KCNC2: variants seen among roughly 807,000 people sequenced by gnomAD.
The protein encoded by KCNC2 is voltage-gated potassium channel KCNC2.
In KCNC2, 21 loss-of-function variants were observed where a neutral mutation model predicts 44.5. The ratio of observed to expected loss-of-function variants is 0.47; its 90% CI spans 0.33 to 0.68. The LOEUF is 0.68. Among genes scored for constraint, KCNC2 ranks in the 30% least tolerant of loss-of-function variants. The pLI, the probability that KCNC2 is intolerant of heterozygous loss-of-function variation, is 0.01. For missense variants in KCNC2, 589 were observed against 826.2 expected, an observed-to-expected ratio of 0.71 and a Z score of 3.52; for synonymous variants, 391 against 339.1, an observed-to-expected ratio of 1.15 and a Z score of -1.68.
chr12:75,112,084 A>G (rs1047097881), intron 2 of KCNC2, among the ~76,000 whole-genome samples: 10 of 151,968 alleles, frequency 6.6e-5, no homozygotes, highest in African/African-American at 2.4e-4. Flanking sequence ...AAAATACAAA[A>G]TGTCTGTTAC....
rs202192544 is a variant in KCNC2, at chr12:75,207,385, C to A, written c.599G>T (p.Gly200Val). The A allele has an allele frequency of 5.1e-6, 8 of 1,580,574 alleles. No individual in the cohort carries two copies. The highest frequency in any genetic ancestry group is 6.9e-6 in the Non-Finnish European group (8 of 1,164,778). ...CCAGCGGCCAGATTTGCCGTCGGGGCCCCCGAGCCCCGCCGCGTCCTCGAT... is the reference window on the plus strand; with the variant it reads ...CCAGCGGCCAGATTTGCCGTCGGGGACCCCGAGCCCCGCCGCGTCCTCGAT... Reference protein sequence around the residue: ...LGIEDAAGLGGPDGKSGRWRR... With the variant: ...LGIEDAAGLGVPDGKSGRWRR... The change falls in exon 2 of 5, where the codon GGC becomes GTC. Residue 200 changes from glycine (G) to valine (V), a missense_variant. Coordinates refer to ENST00000549446, the MANE Select transcript of KCNC2 (RefSeq NM_139137.4). The surrounding 1 kb of genome is among the most constrained non-coding windows in gnomAD (Gnocchi z 4.1).
chr12:75,049,372 G>GA (rs1210896107), intron 3 of KCNC2, among the ~76,000 whole-genome samples: 2 of 152,052 alleles, frequency 1.3e-5, no homozygotes, highest in African/African-American at 2.4e-5. Flanking sequence ...TTTTCTGTAA[G>GA]AAAAAATGAA....
chr12:75,175,105 G>C (rs1287114149), intron 2 of KCNC2, among the ~76,000 whole-genome samples: 1 of 151,858 alleles, frequency 6.6e-6, no homozygotes, highest in Non-Finnish European at 1.5e-5. Context: ...GACAGCCTGT[G>C]TACCTGAAGG....
intron 2 of KCNC2, among the ~76,000 whole-genome samples, chr12:75,130,684 G>A (rs558701704): frequency 6.6e-5 from 10 of 151,788 alleles, no homozygotes; most frequent in African/African-American, 2.2e-4. Context: ...CAGGTTATCC[G>A]TATTTGTGAG....
At chr12:75,125,577 A>G (rs1201299744) in intron 2 of KCNC2, among the ~76,000 whole-genome samples, 1 of 152,190 alleles carries the variant, frequency 6.6e-6, no homozygotes, top group Non-Finnish European at 1.5e-5. Context: ...TCATGTTTGG[A>G]TATTTCTACT....
chr12:75,143,128 AG>A (rs1191588661), intron 2 of KCNC2, among the ~76,000 whole-genome samples: 8 of 152,122 alleles, frequency 5.3e-5, no homozygotes, highest in Admixed American at 1.3e-4. Context: ...TCATCCTGGA[AG>A]TTAGGAAATT....
chr12:75,107,612 T>C (rs1482649578), intron 2 of KCNC2, among the ~76,000 whole-genome samples: 1 of 151,962 alleles, frequency 6.6e-6, no homozygotes, highest in Non-Finnish European at 1.5e-5. Context: ...AATACATCTG[T>C]TTATTTGAAT....
chr12:75,144,471 T>A (rs1482540055), intron 2 of KCNC2, among the ~76,000 whole-genome samples: 1 of 152,138 alleles, frequency 6.6e-6, no homozygotes, highest in Non-Finnish European at 1.5e-5. Context: ...TATAGGCAAG[T>A]GTAGTGGCAT....
chr12:75,089,393 T>C (rs1160284921), intron 2 of KCNC2, among the ~76,000 whole-genome samples: 2 of 151,904 alleles, frequency 1.3e-5, no homozygotes, highest in African/African-American at 2.4e-5. Flanking sequence ...GCCTGTGTAA[T>C]ATAACTATAA....
chr12:75,083,531 G>C (rs557032593), intron 2 of KCNC2, among the ~76,000 whole-genome samples: 2 of 151,740 alleles, frequency 1.3e-5, no homozygotes, highest in South Asian at 2.1e-4. Flanking sequence ...GTTACCAGGC[G>C]TCAATCCTTA....
chr12:75,159,759 T>C (rs751910871), intron 2 of KCNC2, among the ~76,000 whole-genome samples: 1 of 151,880 alleles, frequency 6.6e-6, no homozygotes, highest in Admixed American at 6.6e-5. Context: ...TTTTTGTAAC[T>C]ACATATTGCA....
At chr12:75,205,852 T>TTTTC in intron 2 of KCNC2, among the ~76,000 whole-genome samples, 1 of 150,162 alleles carries the variant, frequency 6.7e-6, no homozygotes, top group South Asian at 2.1e-4. Flanking sequence ...TTTTTTTTTT[T>TTTTC]TTTCCTGAAT....
At chr12:75,091,857 T>A (rs1197475803) in intron 2 of KCNC2, among the ~76,000 whole-genome samples, 1 of 151,744 alleles carries the variant, frequency 6.6e-6, no homozygotes, top group East Asian at 1.9e-4. Context: ...ATGGAAATAC[T>A]ATACATTTTG....
chr12:75,197,495 A>C (rs1183108314), intron 2 of KCNC2, among the ~76,000 whole-genome samples: 1 of 151,970 alleles, frequency 6.6e-6, no homozygotes, highest in African/African-American at 2.4e-5. Context: ...ACACTATATC[A>C]ATGTCTCTAC....
chr12:75,042,335 G>T lies in KCNC2; in HGVS notation c.*770C>A, dbSNP rs368398887. 1 of 1,611,936 alleles carries T rather than the reference G, an allele frequency of 6.2e-7. No individual in the cohort carries two copies. Among genetic ancestry groups the T allele is most frequent in the Non-Finnish European group, 8.5e-7 (1 of 1,178,796 alleles). On this transcript the variant is annotated 3_prime_UTR_variant, in exon 5 of 5. Coordinates refer to ENST00000549446, the MANE Select transcript of KCNC2 (RefSeq NM_139137.4). ...TCATTAAGTAAGAGATCTGGCCTCG[G>T]CTTGCGTGTAACCAGTAATGACAAC...
Position 75,042,476 on chromosome 12 carries a change from C to A in KCNC2, c.*629G>T. ...AACTATTTAAAACATATATTTCTTT[C>A]AAATAATAAGAAAAAAATGTCAAGG... On this transcript the variant is annotated 3_prime_UTR_variant, in exon 5 of 5. Transcript: ENST00000549446. 6.8e-7 allele frequency: 1 copy of A among 1,464,612 alleles called. No homozygotes were observed. The highest frequency in any genetic ancestry group is 9.1e-7 in the Non-Finnish European group (1 of 1,104,080). The allele number at this position is 1,464,612 out of a possible 1,614,324, so 90.7% of individuals were successfully genotyped here.
At chr12:75,051,862 T>C (rs1881211417) in intron 2 of KCNC2, among the ~76,000 whole-genome samples, 1 of 152,068 alleles carries the variant, frequency 6.6e-6, no homozygotes, top group Non-Finnish European at 1.5e-5. Context: ...TGTGCTGCCA[T>C]GTAAATTACA....
intron 2 of KCNC2, among the ~76,000 whole-genome samples, chr12:75,052,195 T>C (rs539906392): frequency 6.6e-6 from 1 of 152,164 alleles, no homozygotes; most frequent in East Asian, 1.9e-4. Context: ...TCAATCCTCA[T>C]AACAGCACTA....
intron 2 of KCNC2, among the ~76,000 whole-genome samples, chr12:75,061,607 AC>A (rs1202133954): frequency 8.9e-5 from 12 of 134,498 alleles, no homozygotes; most frequent in Non-Finnish European, 1.6e-4. Flanking sequence ...ACACACACAC[AC>A]ACACAAAACA....
Sources: allele counts gnomAD v4.1 joint callset (sites outside exome capture counted in the v4.1 genomes callset), GRCh38; gene constraint gnomAD v4.1.1; non-coding constraint Gnocchi (gnomAD v3.1); transcripts MANE v1.5; gene names NCBI Gene and HGNC (gene_info 2026-07-23, HGNC 2026-07-21).